The following COL6A6 variants were observed in gnomAD, a reference collection of about 807,000 sequenced individuals.
COL6A6 encodes collagen type VI alpha 6 chain.
A neutral mutation model predicts 208.6 loss-of-function variants in COL6A6; 183 were observed. That is an observed-to-expected ratio of 0.88 (90% CI 0.78 to 0.99). The LOEUF is 0.99. Ranked by LOEUF, COL6A6 falls within the 50% of genes least tolerant of loss-of-function variation. COL6A6 has a pLI of 0.00. For missense variants in COL6A6, 2,816 were observed against 2,815.2 expected (o/e 1.00, Z -0.01); for synonymous variants, 973 against 1,011.8 (o/e 0.96, Z 0.73).
At chr3:130,541,820 A>G (rs1012552595) in intron 1 of COL6A6, among the ~76,000 whole-genome samples, 2 of 152,112 alleles carry the variant, frequency 1.3e-5, no homozygotes, top group Non-Finnish European at 2.9e-5. Context: ...TCTGTTTTGG[A>G]AGTTTATTAT....
intron 36 of COL6A6, among the ~76,000 whole-genome samples, chr3:130,668,200 G>A (rs1306855468): frequency 6.6e-6 from 1 of 152,042 alleles, no homozygotes; most frequent in East Asian, 1.9e-4. Context: ...GCTTCAGCTG[G>A]GCGCGGTGGC....
chr3:130,621,748 T>A, intron 23 of COL6A6, 73 bp from the exon 24 acceptor site: 1 of 1,332,114 alleles, frequency 7.5e-7, no homozygotes, highest in Admixed American at 1.8e-5. Context: ...CACTTTCCTC[T>A]TATAAGACAG....
chr3:130,552,433 T>C (rs2062664236), intron 1 of COL6A6, among the ~76,000 whole-genome samples: 1 of 152,264 alleles, frequency 6.6e-6, no homozygotes, highest in Non-Finnish European at 1.5e-5. Flanking sequence ...AAAGTCTGTT[T>C]TGTCTAAAAT....
In COL6A6 at chr3:130,574,039, G is replaced by T. The variant is rs767722528; in HGVS notation, c.3061G>T (p.Glu1021Ter). 3.1e-6 allele frequency: 5 copies of T among 1,613,816 alleles called. No individual in the cohort carries two copies. Among genetic ancestry groups the T allele is most frequent in the Non-Finnish European group, 2.5e-6 (3 of 1,179,796 alleles). ...IQPNDFKKMK[E>*]FLASVVQDFD... ...GCCAAATGACTTCAAGAAAATGAAG[G>T]AATTTCTGGCATCTGTTGTTCAAGA... The change falls in exon 8 of 37, where the codon GAA becomes TAA. Residue 1021 changes from glutamate to a stop codon, truncating the protein, a stop_gained. Transcript: ENST00000358511. LOFTEE classifies it high-confidence loss of function.
Position 130,568,550 on chromosome 3 carries a change from A to G in COL6A6, c.2347A>G (p.Ile783Val). ...GGTTTTTTATGTTGAGAATTTTGAC[A>G]TTCTGCAGCGCATTGAAGATGATCT... ...EMVFYVENFD[I>V]LQRIEDDLVF... The change falls in exon 6 of 37, where the codon ATT becomes GTT. Residue 783 changes from isoleucine (I) to valine (V), a missense_variant. Transcript: ENST00000358511. The G allele has an allele frequency of 6.2e-7, 1 of 1,609,606 alleles. No individual in the cohort carries two copies. Among genetic ancestry groups the G allele is most frequent in the Non-Finnish European group, 8.5e-7 (1 of 1,179,854 alleles).
chr3:130,547,110 C>T (rs1327136187), intron 1 of COL6A6, among the ~76,000 whole-genome samples: 1 of 152,274 alleles, frequency 6.6e-6, no homozygotes, highest in Non-Finnish European at 1.5e-5. Flanking sequence ...CGCCACAGAG[C>T]AGGGGGCGAC....
At position 130,563,577 on chromosome 3, in the gene COL6A6, C is replaced by T. The variant is rs775103973; in HGVS notation, c.574C>T (p.Leu192Phe). 1.2e-6 allele frequency: 2 copies of T among 1,613,970 alleles called. No individual in the cohort carries two copies. Among genetic ancestry groups the T allele is most frequent in the East Asian group, 4.5e-5 (2 of 44,888 alleles). Residue 192 changes from leucine (L) to phenylalanine (F), a missense_variant, in exon 3 of 37, where the codon CTC (leucine) becomes TTC (phenylalanine). Coordinates refer to ENST00000358511, the MANE Select transcript of COL6A6 (RefSeq NM_001102608.3). ...FHFNLRTVRD[L>F]SMFSQNMTHI... ...TTTCAACCTTCGGACAGTCAGAGACCTCAGCATGTTTTCCCAAAACATGAC... is the reference window on the plus strand; with the variant it reads ...TTTCAACCTTCGGACAGTCAGAGACTTCAGCATGTTTTCCCAAAACATGAC...
At chr3:130,673,110 C>T (rs1489460783) in intron 36 of COL6A6, among the ~76,000 whole-genome samples, 2 of 139,834 alleles carry the variant, frequency 1.4e-5, no homozygotes, top group East Asian at 4.2e-4. Flanking sequence ...ACCCGGGAGG[C>T]AGAGGTTGCA....
intron 1 of COL6A6, among the ~76,000 whole-genome samples, chr3:130,558,920 A>G (rs2062823268): frequency 6.6e-6 from 1 of 152,240 alleles, no homozygotes; most frequent in Admixed American, 6.5e-5. Flanking sequence ...TTTTGGAGTC[A>G]GGCAGATGTG....
At chr3:130,544,179 C>T (rs1404038949) in intron 1 of COL6A6, among the ~76,000 whole-genome samples, 1 of 152,194 alleles carries the variant, frequency 6.6e-6, no homozygotes, top group African/African-American at 2.4e-5. Context: ...CCCCAGTAAT[C>T]ACCATGTCAT....
At chr3:130,602,725 T>C (rs1026945429) in intron 20 of COL6A6, among the ~76,000 whole-genome samples, 6 of 152,234 alleles carry the variant, frequency 3.9e-5, no homozygotes, top group Non-Finnish European at 8.8e-5. Flanking sequence ...TAAAAAAGTT[T>C]AATATGGTTG....
Position 130,518,769 on chromosome 3 carries a change from G to T in COL6A6, c.-32+1372G>T, listed in dbSNP as rs559751337. ...GATCCGCCCGCCTCAGCCTCCCAAA[G>T]TGCTGGGATTACAGCAATTTCTCCC... is the stretch of plus-strand genomic sequence containing the variant. On this transcript the variant is annotated intron_variant, in intron 1 of 36. Coordinates refer to ENST00000358511, the MANE Select transcript of COL6A6 (RefSeq NM_001102608.3). Among the ~76,000 whole-genome samples the T allele has an allele frequency of 1.1e-4, 17 of 152,212 alleles. 1 individual carries two copies. In the South Asian group the frequency reaches 3.3e-3, roughly 30 times the overall value.
At chr3:130,595,375 C>T (rs2063825156) in intron 18 of COL6A6, among the ~76,000 whole-genome samples, 1 of 152,132 alleles carries the variant, frequency 6.6e-6, no homozygotes. Flanking sequence ...GTTATAAATA[C>T]ACAGCTTAAT....
chr3:130,587,968 A>C (rs1381325121), intron 11 of COL6A6, among the ~76,000 whole-genome samples: 1 of 152,218 alleles, frequency 6.6e-6, no homozygotes, highest in Non-Finnish European at 1.5e-5. Flanking sequence ...ATATCATATA[A>C]ATGGAACACT....
intron 6 of COL6A6, among the ~76,000 whole-genome samples, chr3:130,570,396 AT>A (rs1461217184): frequency 6.6e-6 from 1 of 152,254 alleles, no homozygotes; most frequent in Non-Finnish European, 1.5e-5. Context: ...CAAGGTTTAT[AT>A]TAAGAATACA....
Position 130,649,143 on chromosome 3 carries a change from G to T in COL6A6, c.5314G>T (p.Glu1772Ter). 6.3e-7 allele frequency: 1 copy of T among 1,589,670 alleles called. No individual in the cohort carries two copies. Among genetic ancestry groups the T allele is most frequent in the Non-Finnish European group, 8.6e-7 (1 of 1,167,490 alleles). The change falls in exon 33 of 37, where the codon GAA (glutamate) becomes TAA (stop). Residue 1772 changes from glutamate (E) to a stop codon, truncating the protein, a stop_gained. Coordinates refer to ENST00000358511, the MANE Select transcript of COL6A6 (RefSeq NM_001102608.3). LOFTEE classifies it high-confidence loss of function. Reference sequence around the variant, plus strand: ...CCACTCCCGGGATGTCACTGAGCAGGAATTTGAGCGGATGAAGGAGATGAT... The same window carrying T: ...CCACTCCCGGGATGTCACTGAGCAGTAATTTGAGCGGATGAAGGAGATGAT... ...LDHSRDVTEQ[E>*]FERMKEMMAF... is the part of the protein sequence containing the mutation.
At chr3:130,551,470 A>G (rs918238200) in intron 1 of COL6A6, among the ~76,000 whole-genome samples, 3 of 151,896 alleles carry the variant, frequency 2.0e-5, no homozygotes, top group Non-Finnish European at 4.4e-5. Context: ...GTTCATAGGA[A>G]TCGGAGTTTT....
At position 130,598,429 on chromosome 3, in the gene COL6A6, A is replaced by C. The variant is rs755707522; in HGVS notation, c.4598A>C (p.Gln1533Pro). The change falls in exon 19 of 37, where the codon CAA becomes CCA. Residue 1533 changes from glutamine to proline, a missense_variant and splice_region_variant. Coordinates refer to ENST00000358511, the MANE Select transcript of COL6A6 (RefSeq NM_001102608.3). ...GGCTTGAAAGGAGAACGTGGAAGAC[A>C]AGTAATTACGTGGGCTTGTAAAATC... ...PTGLKGERGR[Q>P]GRRGWPGPPG... The C allele has an allele frequency of 1.6e-5, 24 of 1,547,582 alleles. No individual in the cohort carries two copies. The highest frequency in any genetic ancestry group is 2.1e-5 in the Non-Finnish European group (24 of 1,142,938).
At chr3:130,594,973 C>G (rs1432598379) in intron 18 of COL6A6, among the ~76,000 whole-genome samples, 2 of 152,184 alleles carry the variant, frequency 1.3e-5, no homozygotes, top group Non-Finnish European at 2.9e-5. Context: ...CACCTGGCCC[C>G]ACTGTTGATA....
Sources: gnomAD v4.1 joint callset for allele counts (sites outside exome capture counted in the v4.1 genomes callset) on GRCh38, gnomAD v4.1.1 for gene constraint, MANE v1.5 for transcripts, NCBI Gene and HGNC (gene_info 2026-07-23, HGNC 2026-07-21) for gene names.